Variants in CTNNA3 observed in about 807,000 individuals in gnomAD.
CTNNA3 encodes catenin alpha-3.
In CTNNA3, 76 loss-of-function variants were observed where a neutral mutation model predicts 95.7. That is an observed-to-expected ratio of 0.79 (90% CI 0.66 to 0.96). The LOEUF is 0.96. CTNNA3 is among the 40% of genes least tolerant of loss of function. The pLI, the probability that CTNNA3 is intolerant of heterozygous loss-of-function variation, is 0.00. For missense variants in CTNNA3, 1,191 were observed against 1,089.8 expected, an observed-to-expected ratio of 1.09 and a Z score of -1.31; for synonymous variants, 431 against 374.4, an observed-to-expected ratio of 1.15 and a Z score of -1.74.
chr10:66,754,222 C>G (rs893972988), intron 9 of CTNNA3, among the ~76,000 whole-genome samples: 4 of 151,960 alleles, frequency 2.6e-5, no homozygotes. Flanking sequence ...TGAAATAAAC[C>G]CTCACATTTA....
Position 66,317,044 on chromosome 10 carries a change from C to T in CTNNA3, c.1733-36423G>A, listed in dbSNP as rs548808731. On this transcript the variant is annotated intron_variant, in intron 12 of 17. Transcript: ENST00000433211. ...ATTCAAAAACAAATTAGTTCAGTTT[C>T]GCATTACATTCAAAATATAATTTTT... is the stretch of plus-strand genomic sequence containing the variant. Among the ~76,000 whole-genome samples the T allele has an allele frequency of 4.6e-5, 7 of 152,182 alleles. No individual in the cohort carries two copies. In the South Asian group the frequency reaches 1.0e-3, roughly 23 times the overall value.
intron 12 of CTNNA3, among the ~76,000 whole-genome samples, chr10:66,357,139 C>T (rs916983639): frequency 6.6e-6 from 1 of 152,018 alleles, no homozygotes; most frequent in African/African-American, 2.4e-5. Flanking sequence ...TAGAAGTGTT[C>T]CATCTTTTTA....
intron 11 of CTNNA3, among the ~76,000 whole-genome samples, chr10:66,418,092 ATAAAC>A (rs1313208312): frequency 2.1e-5 from 3 of 144,118 alleles, no homozygotes; most frequent in Non-Finnish European, 4.5e-5. Context: ...TTTTGAAAGT[ATAAAC>A]AAAATTGAAA....
chr10:65,988,758 A>C lies in CTNNA3; in HGVS notation c.2199T>G (p.Tyr733Ter). 6.2e-7 allele frequency: 1 copy of C among 1,614,060 alleles called. No homozygotes were observed. The highest frequency in any genetic ancestry group is 8.5e-7 in the Non-Finnish European group (1 of 1,179,976). Residue 733 changes from tyrosine to a stop codon, truncating the protein, a stop_gained, in exon 16 of 18, where the codon TAT (tyrosine) becomes TAG (stop). Transcript: ENST00000433211. LOFTEE classifies it high-confidence loss of function. ...CTGATTCTGATATCATTTTCGCTGC[A>C]TAGATCACATCAGTTGTATGCTTTA... ...GPLKHTTDVI[Y>*]AAKMISESGS... is the part of the protein sequence containing the mutation.
chr10:67,460,253 C>T (rs1426520358), intron 5 of CTNNA3, among the ~76,000 whole-genome samples: 1 of 152,144 alleles, frequency 6.6e-6, no homozygotes, highest in South Asian at 2.1e-4. Flanking sequence ...TATAGGGCCA[C>T]TGGTTGGACC....
intron 1 of CTNNA3, among the ~76,000 whole-genome samples, chr10:67,751,547 TAAAA>T (rs140377462): frequency 6.8e-6 from 1 of 146,562 alleles, no homozygotes; most frequent in African/African-American, 2.5e-5. Context: ...ATAATGATCG[TAAAA>T]AAAAAATAGA....
At position 66,086,754 on chromosome 10, in the gene CTNNA3, G is replaced by A. The variant is rs559294417; in HGVS notation, c.1977+16403C>T. ...GTTGATTTTACCTCTCCCCGACTCCGCAATCACAACCTCATTGTTACTTGG... is the reference window on the plus strand; with the variant it reads ...GTTGATTTTACCTCTCCCCGACTCCACAATCACAACCTCATTGTTACTTGG... On this transcript the variant is annotated intron_variant, in intron 14 of 17. Coordinates refer to ENST00000433211, the MANE Select transcript of CTNNA3 (RefSeq NM_013266.4). 3.5e-4 allele frequency among the ~76,000 whole-genome samples: 53 copies of A among 152,050 alleles called. 1 individual carries two copies. The highest frequency in any genetic ancestry group is 1.1e-3 in the African/African-American group (46 of 41,510).
chr10:66,821,660 T>C (rs559798174), intron 7 of CTNNA3, among the ~76,000 whole-genome samples: 2 of 152,340 alleles, frequency 1.3e-5, no homozygotes, highest in South Asian at 4.1e-4. Context: ...GCATTATTTC[T>C]AGAGACAGGA....
intron 7 of CTNNA3, among the ~76,000 whole-genome samples, chr10:66,778,756 A>T (rs1840411853): frequency 6.6e-6 from 1 of 152,172 alleles, no homozygotes. Context: ...CAGGTGGATC[A>T]CCTGAGGTCA....
intron 7 of CTNNA3, among the ~76,000 whole-genome samples, chr10:67,028,928 CT>C (rs1400397972): frequency 6.6e-6 from 1 of 152,092 alleles, no homozygotes; most frequent in Non-Finnish European, 1.5e-5. Context: ...CAAAACTCAA[CT>C]TTTTATTGTA....
chr10:67,186,565 A>G (rs954118001), intron 6 of CTNNA3, among the ~76,000 whole-genome samples: 1 of 152,226 alleles, frequency 6.6e-6, no homozygotes, highest in African/African-American at 2.4e-5. Flanking sequence ...CTGAATCAAT[A>G]AAAAGGCAAG....
intron 2 of CTNNA3, among the ~76,000 whole-genome samples, chr10:67,637,753 C>G (rs866360945): frequency 6.6e-6 from 1 of 152,128 alleles, no homozygotes; most frequent in Non-Finnish European, 1.5e-5. Context: ...AATTTCATAT[C>G]CAGCCAAACT....
At chr10:66,508,469 C>T (rs1840542449) in intron 11 of CTNNA3, among the ~76,000 whole-genome samples, 1 of 152,028 alleles carries the variant, frequency 6.6e-6, no homozygotes, top group South Asian at 2.1e-4. Context: ...GTCTTAAAGA[C>T]TTCTGTTGCC....
At chr10:67,496,110 A>C (rs1316150956) in intron 5 of CTNNA3, among the ~76,000 whole-genome samples, 3 of 152,232 alleles carry the variant, frequency 2.0e-5, no homozygotes, top group Non-Finnish European at 2.9e-5. Flanking sequence ...AAGTATTTAC[A>C]TAATGCGGGA....
At chr10:67,177,159 TG>T (rs1167967214) in intron 7 of CTNNA3, among the ~76,000 whole-genome samples, 1 of 152,236 alleles carries the variant, frequency 6.6e-6, no homozygotes, top group African/African-American at 2.4e-5. Flanking sequence ...TTGTCTGTTT[TG>T]TCCGTTATAG....
In CTNNA3 at chr10:66,007,594, T is replaced by C. The variant is rs547529106; in HGVS notation, c.2160-18797A>G. On this transcript the variant is annotated intron_variant, in intron 15 of 17. Transcript: ENST00000433211. The stretch of plus-strand genomic sequence containing the variant: ...AAAAAATTTGTGCCTCAGGAAAAAA[T>C]AGACTAACACCATACTTAAATATTT... 4.0e-4 allele frequency among the ~76,000 whole-genome samples: 61 copies of C among 152,212 alleles called. No individual in the cohort carries two copies. In the South Asian group the frequency reaches 6.8e-3, roughly 17 times the overall value.
chr10:66,240,049 T>C (rs1280936411), intron 13 of CTNNA3, among the ~76,000 whole-genome samples: 1 of 152,018 alleles, frequency 6.6e-6, no homozygotes, highest in African/African-American at 2.4e-5. Context: ...TAGATATCCA[T>C]AAGTGTTAAC....
Position 66,657,361 on chromosome 10 carries a change from G to A in CTNNA3, c.1282-35577C>T, listed in dbSNP as rs573321425. On this transcript the variant is annotated intron_variant, in intron 9 of 17. Transcript: ENST00000433211. ...GCAACCTTACTGTGTTCTTGCTCCT[G>A]TTCTTCAATGTGGTATTGTTTGTTT... Among the ~76,000 whole-genome samples, 45 of 152,214 alleles carry A rather than the reference G, an allele frequency of 3.0e-4. No homozygotes were observed. The South Asian group carries it at 3.3e-3, about 11-fold the overall frequency.
At chr10:66,677,260 A>G (rs1287164616) in intron 9 of CTNNA3, among the ~76,000 whole-genome samples, 1 of 151,872 alleles carries the variant, frequency 6.6e-6, no homozygotes, top group Non-Finnish European at 1.5e-5. Context: ...TACTAAAAAA[A>G]CATACACACT....
Sources: allele counts gnomAD v4.1 joint callset (sites outside exome capture counted in the v4.1 genomes callset), GRCh38; gene constraint gnomAD v4.1.1; transcripts MANE v1.5; gene names NCBI Gene and HGNC (gene_info 2026-07-23, HGNC 2026-07-21).